Variants in CCDC22 observed in about 807,000 individuals in gnomAD.
CCDC22 encodes the protein CCC complex scaffolding subunit CCDC22, also known as coiled-coil domain-containing protein 22.
Under a neutral mutation model 53.1 loss-of-function variants are expected in CCDC22, and 4 were observed. The observed-to-expected ratio is 0.08, with a 90% confidence interval of 0.04 to 0.17. The LOEUF is 0.17. CCDC22 is among the 10% of genes least tolerant of loss of function. The pLI, the probability that CCDC22 is intolerant of heterozygous loss-of-function variation, is 1.00. For synonymous variants in CCDC22, 222 were observed against 224.4 expected (o/e 0.99, Z 0.10); for missense variants, 458 against 554.0 (o/e 0.83, Z 1.74).
At position 49,248,956 on chromosome X, in the gene CCDC22, T is replaced by A. The variant is rs782435999; in HGVS notation, c.1539+32T>A. 6.7e-6 allele frequency: 8 copies of A among 1,196,194 alleles called. No homozygotes were observed. The East Asian group carries it at 1.5e-4, about 22-fold the overall frequency. On this transcript the variant is annotated intron_variant, in intron 13 of 16. Transcript: ENST00000376227. ...TGCCAGGGCCATGGAGGGTGGGTCA[T>A]GTGGGCTGTCAGGCATAGTGTGGCC...
intron 2 of CCDC22, among the ~76,000 whole-genome samples, chrX:49,238,359 G>A (rs1222264654): frequency 2.7e-5 from 3 of 111,485 alleles, no homozygotes; most frequent in Non-Finnish European, 3.8e-5. Flanking sequence ...GATTACAGGC[G>A]TGAGCCACTG....
intron 11 of CCDC22, 29 bp downstream of exon 11, chrX:49,248,552 G>T (rs782121051): frequency 2.5e-6 from 3 of 1,194,023 alleles, no homozygotes; most frequent in Non-Finnish European, 3.4e-6. Context: ...GGCTGTGGGC[G>T]GGCCAGGGCA....
chrX:49,250,090 G>A (rs2066018143), intron 16 of CCDC22, 58 bp from the exon 17 acceptor site: 1 of 721,312 alleles, frequency 1.4e-6, no homozygotes. Flanking sequence ...GGGCTGGTGA[G>A]CAGGAGCTGG....
chrX:49,247,576 G>C lies in CCDC22; in HGVS notation c.972+18G>C. ...CTGAACAGGTGAGCAGAGTGGTTTG[G>C]AGGGGGGTGTCCCAGGCCCTTGCTT... is the stretch of plus-strand genomic sequence containing the variant. On this transcript the variant is annotated intron_variant, in intron 8 of 16. Transcript: ENST00000376227. The C allele has an allele frequency of 8.4e-7, 1 of 1,193,049 alleles. No homozygotes were observed. Among genetic ancestry groups the C allele is most frequent in the Non-Finnish European group, 1.1e-6 (1 of 886,192 alleles).
At chrX:49,243,554 C>A in intron 6 of CCDC22, 92 bp downstream of exon 6, 1 of 754,102 alleles carries the variant, frequency 1.3e-6, no homozygotes, top group African/African-American at 2.1e-5. Flanking sequence ...TTTGTCCCTC[C>A]CTTCCATTGT....
At chrX:49,243,538 C>A in intron 6 of CCDC22, 76 bp downstream of exon 6, 1 of 851,227 alleles carries the variant, frequency 1.2e-6, no homozygotes, top group Non-Finnish European at 1.6e-6. Context: ...TGCTCTCCTT[C>A]CCCACTTTGT....
chrX:49,248,534 G>A lies in CCDC22; in HGVS notation c.1329+11G>A, dbSNP rs782380755. On this transcript the variant is annotated intron_variant, in intron 11 of 16. Transcript: ENST00000376227. ...CAGGATTGCAGAGAGGTAAGCAGTG[G>A]GGCCCTGGGCTGTGGGCGGGCCAGG... 1.7e-5 allele frequency: 20 copies of A among 1,200,284 alleles called. No homozygotes were observed. Among genetic ancestry groups the A allele is most frequent in the Non-Finnish European group, 2.1e-5 (19 of 887,457 alleles).
chrX:49,238,778 A>G (rs1425100196), intron 2 of CCDC22, among the ~76,000 whole-genome samples: 1 of 111,302 alleles, frequency 9.0e-6, no homozygotes, highest in Admixed American at 9.5e-5. Flanking sequence ...GATGTTGCCC[A>G]GGCTGGTCTT....
In CCDC22 at chrX:49,248,442, C is replaced by T; in HGVS notation, c.1248C>T (p.His416=). ...AGAATAGTGCCCAGCGGGTCATCCA[C>T]TTGGCGGGTCAGTGGGAGAAGCACC... ...VVENSAQRVI[H]LAGQWEKHRV... Residue 416 remains histidine (H), a synonymous_variant, in exon 11 of 17, where the codon CAC becomes CAT. Coordinates refer to ENST00000376227, the MANE Select transcript of CCDC22 (RefSeq NM_014008.5). 1.7e-6 allele frequency: 2 copies of T among 1,210,737 alleles called. No individual in the cohort carries two copies. The highest frequency in any genetic ancestry group is 2.2e-6 in the Non-Finnish European group (2 of 895,188).
At chrX:49,249,331 G>A (rs1451343739) in intron 14 of CCDC22, 69 bp downstream of exon 14, 6 of 963,128 alleles carry the variant, frequency 6.2e-6, no homozygotes, top group Non-Finnish European at 7.4e-6. Flanking sequence ...CTGCTAATTG[G>A]CTGGCTGGGG....
Position 49,242,154 on chromosome X carries a change from G to T in CCDC22, c.361+6G>T. 1 of 1,210,875 alleles carries T rather than the reference G, an allele frequency of 8.3e-7. No individual in the cohort carries two copies. Among genetic ancestry groups the T allele is most frequent in the East Asian group, 3.0e-5 (1 of 33,827 alleles). The stretch of plus-strand genomic sequence containing the variant: ...GGATGCAGACCAGCCTGCAGGTACT[G>T]GGTGTCTGGGGTGTGGGCGGGGGCG... On this transcript the variant is annotated splice_donor_region_variant and intron_variant, in intron 3 of 16. Coordinates refer to ENST00000376227, the MANE Select transcript of CCDC22 (RefSeq NM_014008.5).
chrX:49,237,381 G>T, intron 2 of CCDC22, 118 bp downstream of exon 2: 1 of 667,816 alleles, frequency 1.5e-6, no homozygotes, highest in Middle Eastern at 5.0e-4. Context: ...TGCAACACTT[G>T]CCTTTCCTCT....
In CCDC22 at chrX:49,248,501, G is replaced by A. The variant is rs782418609; in HGVS notation, c.1307G>A (p.Arg436Gln). The A allele has an allele frequency of 1.3e-5, 16 of 1,207,731 alleles. No individual in the cohort carries two copies. The Admixed American group carries it at 2.4e-4, about 18-fold the overall frequency. Residue 436 changes from arginine to glutamine, a missense_variant, in exon 11 of 17, where the codon CGA (arginine) becomes CAA (glutamine). This residue lies in a region of CCDC22 where 309 missense variants were observed against 312.3 expected (regional missense o/e 0.99). Transcript: ENST00000376227. ...VPLLAEYRHL[R>Q]KLQDCRELES... ...CTCCTCGCTGAGTACCGCCACCTCC[G>A]AAAGCTGCAGGATTGCAGAGAGGTA... is the stretch of plus-strand genomic sequence containing the variant.
rs2065931421 is a variant in CCDC22, at chrX:49,235,491, C to T, written c.-146C>T. On this transcript the variant is annotated 5_prime_UTR_variant, in exon 1 of 17. Transcript: ENST00000376227. ...CCTCACATCCGGCATGCGCCGTGCT[C>T]GCTCACAGAACTACACTTTCCAACT... 1 of 562,348 alleles carries T rather than the reference C, an allele frequency of 1.8e-6. No individual in the cohort carries two copies. Among genetic ancestry groups the T allele is most frequent in the Non-Finnish European group, 3.1e-6 (1 of 327,093 alleles). The allele number at this position is 562,348 out of a possible 1,213,427, so 46.3% of individuals were successfully genotyped here.
chrX:49,242,057 C>G lies in CCDC22; in HGVS notation c.270C>G (p.Leu90=), dbSNP rs1178651069. The G allele has an allele frequency of 8.3e-7, 1 of 1,208,196 alleles. No homozygotes were observed. Among genetic ancestry groups the G allele is most frequent in the Admixed American group, 2.2e-5 (1 of 45,630 alleles). Residue 90 remains leucine, a synonymous_variant, in exon 3 of 17, where the codon CTC becomes CTG. Transcript: ENST00000376227. The part of the protein sequence containing the change: ...YPLELGYQNF[L]YPSEPDLRDL... Reference sequence around the variant, plus strand: ...TGGAGCTTGGCTATCAGAACTTCCTCTACCCCAGTGAGCCTGACCTCCGAG... The same window carrying G: ...TGGAGCTTGGCTATCAGAACTTCCTGTACCCCAGTGAGCCTGACCTCCGAG...
chrX:49,239,201 G>A (rs112347633), intron 2 of CCDC22, among the ~76,000 whole-genome samples: 4 of 111,219 alleles, frequency 3.6e-5, no homozygotes, highest in South Asian at 7.5e-4. Context: ...GGCTGGTCTC[G>A]AACTCCTGAC....
At chrX:49,241,535 C>T (rs1384671781) in intron 2 of CCDC22, among the ~76,000 whole-genome samples, 1 of 108,244 alleles carries the variant, frequency 9.2e-6, no homozygotes, top group Non-Finnish European at 1.9e-5. Flanking sequence ...CTCTCCTGGC[C>T]TGTTTCCTCA....
rs184896758 is a variant in CCDC22 at position 49,248,262 on chromosome X, C to G, written c.1164C>G (p.Arg388=). 3 of 1,165,977 alleles carry G rather than the reference C, an allele frequency of 2.6e-6. No homozygotes were observed. The highest frequency in any genetic ancestry group is 3.4e-6 in the Non-Finnish European group (3 of 870,177). Residue 388 remains arginine (R), a synonymous_variant, in exon 10 of 17, where the codon CGC becomes CGG. Coordinates refer to ENST00000376227, the MANE Select transcript of CCDC22 (RefSeq NM_014008.5). ...AGCAGGCCCTGCGCCTGAAGAGCCG[C>G]GCGGTGGAGCTGCTGCCCGATGGGA... The part of the protein sequence containing the change: ...EREQALRLKS[R]AVELLPDGTA...
rs782567825 is a variant in CCDC22, at chrX:49,247,719, T to C, written c.1043T>C (p.Ile348Thr). ...REQLEGVNRS[I>T]EEVEADMKTL... ...CAGCTGGAAGGAGTGAACCGCAGCATTGAGGAGGTTGAGGCCGACATGAAG... is the reference window on the plus strand; with the variant it reads ...CAGCTGGAAGGAGTGAACCGCAGCACTGAGGAGGTTGAGGCCGACATGAAG... The change falls in exon 9 of 17, where the codon ATT (isoleucine) becomes ACT (threonine). Residue 348 changes from isoleucine to threonine, a missense_variant. By Grantham distance (89) the Ile-to-Thr change is moderately conservative. Transcript: ENST00000376227. 62 of 1,207,365 alleles carry C rather than the reference T, an allele frequency of 5.1e-5. No homozygotes were observed. Among genetic ancestry groups the C allele is most frequent in the Non-Finnish European group, 6.6e-5 (59 of 893,791 alleles).
Sources: allele counts gnomAD v4.1 joint callset (sites outside exome capture counted in the v4.1 genomes callset), GRCh38; gene constraint gnomAD v4.1.1; regional missense constraint gnomAD v4.1.1; transcripts MANE v1.5; gene names NCBI Gene and HGNC (gene_info 2026-07-23, HGNC 2026-07-21).